The following KCNJ6 variants were observed in gnomAD, a reference collection of about 807,000 sequenced individuals.
The protein encoded by KCNJ6 is potassium inwardly rectifying channel subfamily J member 6.
In KCNJ6, 9 loss-of-function variants were observed where a neutral mutation model predicts 34.2. The ratio of observed to expected loss-of-function variants is 0.26; its 90% confidence interval spans 0.16 to 0.46. KCNJ6 has a LOEUF of 0.46. KCNJ6 is among the 20% of genes least tolerant of loss of function. KCNJ6 has a pLI of 1.00. For synonymous variants in KCNJ6, 196 were observed against 207.1 expected, an observed-to-expected ratio of 0.95 and a Z score of 0.46; for missense variants, 236 against 531.3, an observed-to-expected ratio of 0.44 and a Z score of 5.46.
At chr21:37,808,834 C>T (rs2055306721) in intron 2 of KCNJ6, among the ~76,000 whole-genome samples, 2 of 152,080 alleles carry the variant, frequency 1.3e-5, no homozygotes, top group Non-Finnish European at 2.9e-5. Flanking sequence ...GATTTCCTTT[C>T]TCTCTCTCTC....
At chr21:37,691,738 G>T (rs757112538) in intron 3 of KCNJ6, among the ~76,000 whole-genome samples, 2 of 152,094 alleles carry the variant, frequency 1.3e-5, no homozygotes, top group Non-Finnish European at 2.9e-5. Context: ...GAGGCCACTC[G>T]GCAGGGGTGG....
In KCNJ6 at chr21:37,610,607, A is replaced by AAG. The variant is rs1477177000; in HGVS notation, c.*14551_*14552insCT. 236 of 150,686 alleles carry AAG rather than the reference A, an allele frequency of 1.6e-3. 2 individuals carry two copies. The highest frequency in any genetic ancestry group is 5.5e-3 in the African/African-American group (227 of 41,108). The allele number at this position is 150,686 out of a possible 1,614,324, so 9.3% of individuals were successfully genotyped here. ...GAGTGAGACTCTGTCTTAAAAAAAA[A>AAG]AAAAAAAAAAAAAGGAATACAAGTC... On this transcript the variant is annotated 3_prime_UTR_variant, in exon 4 of 4. Coordinates refer to ENST00000609713, the MANE Select transcript of KCNJ6 (RefSeq NM_002240.5).
chr21:37,737,595 T>C (rs2054919678), intron 2 of KCNJ6, among the ~76,000 whole-genome samples: 1 of 152,206 alleles, frequency 6.6e-6, no homozygotes, highest in Non-Finnish European at 1.5e-5. Context: ...AAGGAAAATA[T>C]CCGGAAAGAG....
intron 2 of KCNJ6, among the ~76,000 whole-genome samples, chr21:37,750,968 A>T (rs935205428): frequency 1.3e-5 from 2 of 152,182 alleles, no homozygotes; most frequent in Non-Finnish European, 2.9e-5. Context: ...CACTCAAAAA[A>T]CCTTTGTTAT....
At chr21:37,720,147 T>G (rs2054817355) in intron 2 of KCNJ6, among the ~76,000 whole-genome samples, 1 of 152,102 alleles carries the variant, frequency 6.6e-6, no homozygotes, top group Non-Finnish European at 1.5e-5. Context: ...AAACAAACAT[T>G]TTTGAAATTT....
rs115317640 is a variant in KCNJ6 at position 37,743,760 on chromosome 21, G to A, written c.26-28629C>T. On this transcript the variant is annotated intron_variant, in intron 2 of 3. Transcript: ENST00000609713. ...CAATATGCGGTATTCTGTTACAGAA[G>A]CTAAAAAAACAAAGACTATGACAGT... is the stretch of plus-strand genomic sequence containing the variant. 6.3e-3 allele frequency among the ~76,000 whole-genome samples: 960 copies of A among 151,288 alleles called. 17 individuals carry two copies. The highest frequency in any genetic ancestry group is 0.021 in the African/African-American group (885 of 41,194).
chr21:37,642,590 C>A (rs2835853), intron 3 of KCNJ6, among the ~76,000 whole-genome samples: 40,503 of 151,870 alleles, frequency 0.27, 5,777 homozygotes, highest in South Asian at 0.31. Context: ...GTTTCTCAAG[C>A]ATCTGACCCC....
intron 3 of KCNJ6, among the ~76,000 whole-genome samples, chr21:37,661,040 A>G (rs2054485938): frequency 6.6e-6 from 1 of 152,224 alleles, no homozygotes; most frequent in Non-Finnish European, 1.5e-5. Flanking sequence ...ACAATTGAAT[A>G]TTGTAAATCC....
At chr21:37,890,170 T>A (rs537973760) in intron 1 of KCNJ6, among the ~76,000 whole-genome samples, 3 of 152,158 alleles carry the variant, frequency 2.0e-5, no homozygotes, top group African/African-American at 7.2e-5. Flanking sequence ...CTCAGAAAAC[T>A]TACAATTATA....
At chr21:37,878,269 T>C (rs913240357) in intron 1 of KCNJ6, among the ~76,000 whole-genome samples, 12 of 152,130 alleles carry the variant, frequency 7.9e-5, no homozygotes, top group African/African-American at 2.9e-4. Context: ...GTGGGATTTT[T>C]TTTTTTTAAA....
intron 1 of KCNJ6, among the ~76,000 whole-genome samples, chr21:37,906,606 G>C (rs531835911): frequency 2.0e-5 from 3 of 152,274 alleles, no homozygotes; most frequent in East Asian, 3.9e-4. Context: ...TGCTGGTTCA[G>C]GGACACACTA....
At chr21:37,802,491 G>A (rs1371172376) in intron 2 of KCNJ6, among the ~76,000 whole-genome samples, 2 of 152,174 alleles carry the variant, frequency 1.3e-5, no homozygotes, top group African/African-American at 2.4e-5. Context: ...ATGTGATGAT[G>A]GAAGTGGAGA....
chr21:37,853,327 A>C (rs1408868117), intron 1 of KCNJ6, among the ~76,000 whole-genome samples: 1 of 152,146 alleles, frequency 6.6e-6, no homozygotes, highest in Non-Finnish European at 1.5e-5. Flanking sequence ...TTCAAGTGAC[A>C]GAGGTTTTCT....
intron 1 of KCNJ6, among the ~76,000 whole-genome samples, chr21:37,904,130 C>G (rs1405411623): frequency 6.6e-6 from 1 of 152,192 alleles, no homozygotes; most frequent in Non-Finnish European, 1.5e-5. Flanking sequence ...ATTAGCTGCT[C>G]TAAAGTCCAG....
chr21:37,874,737 C>G (rs1277985407), intron 1 of KCNJ6, among the ~76,000 whole-genome samples: 1 of 152,142 alleles, frequency 6.6e-6, no homozygotes, highest in Non-Finnish European at 1.5e-5. Flanking sequence ...TCCATTTGCT[C>G]AGGCCTCAAC....
chr21:37,766,370 A>AG (rs1313842154), intron 2 of KCNJ6, among the ~76,000 whole-genome samples: 1 of 152,198 alleles, frequency 6.6e-6, no homozygotes, highest in Non-Finnish European at 1.5e-5. Context: ...TAGGCTAAAA[A>AG]GGAATGGGTG....
intron 2 of KCNJ6, among the ~76,000 whole-genome samples, chr21:37,731,528 C>G (rs1436448474): frequency 6.6e-6 from 1 of 152,118 alleles, no homozygotes; most frequent in Non-Finnish European, 1.5e-5. Flanking sequence ...TATTCCCTCC[C>G]CTTAATAAAT....
At chr21:37,718,214 A>G (rs1015250299) in intron 2 of KCNJ6, among the ~76,000 whole-genome samples, 17 of 152,200 alleles carry the variant, frequency 1.1e-4, no homozygotes, top group Non-Finnish European at 2.1e-4. Context: ...GTGGGGGACA[A>G]TGAAGTCAAG....
chr21:37,633,725 C>T (rs1419859865), intron 3 of KCNJ6, among the ~76,000 whole-genome samples: 1 of 151,828 alleles, frequency 6.6e-6, no homozygotes, highest in African/African-American at 2.4e-5. Flanking sequence ...CAAAAAAAAC[C>T]CTAGAAATCA....
Sources: gnomAD v4.1 joint callset for allele counts (sites outside exome capture counted in the v4.1 genomes callset) on GRCh38, gnomAD v4.1.1 for gene constraint, MANE v1.5 for transcripts, NCBI Gene and HGNC (gene_info 2026-07-23, HGNC 2026-07-21) for gene names.